SPECC1L: variants seen among roughly 807,000 people sequenced by gnomAD.
SPECC1L encodes the protein cytospin-A.
Under a neutral mutation model 116.8 loss-of-function variants are expected in SPECC1L, and 40 were observed. The observed-to-expected ratio is 0.34, with a 90% CI of 0.27 to 0.45. SPECC1L has a LOEUF of 0.45. Ranked by LOEUF, SPECC1L falls within the 20% of genes least tolerant of loss-of-function variation. The pLI is 1.00. For synonymous variants in SPECC1L, 504 were observed against 500.6 expected, an observed-to-expected ratio of 1.01 and a Z score of -0.09; for missense variants, 1,110 against 1,373.6, an observed-to-expected ratio of 0.81 and a Z score of 3.03.
intron 11 of SPECC1L, among the ~76,000 whole-genome samples, chr22:24,354,813 C>T (rs1601598616): frequency 6.6e-6 from 1 of 152,016 alleles, no homozygotes; most frequent in East Asian, 2.0e-4. Flanking sequence ...AGGTGCATGC[C>T]ACCACACCTG....
intron 5 of SPECC1L, among the ~76,000 whole-genome samples, chr22:24,323,637 T>C (rs2298378): frequency 0.23 from 35,568 of 152,196 alleles, 4,353 homozygotes; most frequent in Admixed American, 0.3. Flanking sequence ...TTATTTGTTA[T>C]TTTAGTGCAA....
At chr22:24,289,490 TAGAA>T (rs10610555) in intron 2 of SPECC1L, among the ~76,000 whole-genome samples, 5,541 of 152,168 alleles carry the variant, frequency 0.036, 300 homozygotes, top group South Asian at 0.11. Context: ...TTTTAAAAAG[TAGAA>T]AGAAGGAGAA....
intron 8 of SPECC1L, among the ~76,000 whole-genome samples, chr22:24,331,396 T>C (rs1478749606): frequency 6.6e-6 from 1 of 152,374 alleles, no homozygotes; most frequent in East Asian, 1.9e-4. Flanking sequence ...GACAGATTAT[T>C]GTTTCTCTAC....
At chr22:24,302,924 G>A (rs2049410149) in intron 3 of SPECC1L, among the ~76,000 whole-genome samples, 1 of 151,988 alleles carries the variant, frequency 6.6e-6, no homozygotes, top group South Asian at 2.1e-4. Context: ...TCTGGCAGCT[G>A]GTCCACGATG....
At chr22:24,291,748 A>G (rs1047875239) in intron 2 of SPECC1L, among the ~76,000 whole-genome samples, 11 of 152,186 alleles carry the variant, frequency 7.2e-5, no homozygotes, top group Admixed American at 1.3e-4. Context: ...AGGAAGGTAC[A>G]TAGTATTACC....
intron 6 of SPECC1L, among the ~76,000 whole-genome samples, chr22:24,327,529 C>G (rs540684419): frequency 6.6e-6 from 1 of 151,994 alleles, no homozygotes; most frequent in Non-Finnish European, 1.5e-5. Flanking sequence ...TTCACTATGC[C>G]TGAATTCCTG....
chr22:24,304,884 T>C (rs756089781), intron 3 of SPECC1L, among the ~76,000 whole-genome samples: 3 of 152,210 alleles, frequency 2.0e-5, no homozygotes, highest in Admixed American at 6.5e-5. Context: ...TAGAGAAGTA[T>C]ACGTACCTGG....
At chr22:24,284,304 A>G (rs2049000566) in intron 2 of SPECC1L, among the ~76,000 whole-genome samples, 1 of 152,220 alleles carries the variant, frequency 6.6e-6, no homozygotes, top group Non-Finnish European at 1.5e-5. Context: ...TTCAAAACAC[A>G]TTCTGATTTC....
At chr22:24,371,476 G>A (rs938721462) in intron 14 of SPECC1L, among the ~76,000 whole-genome samples, 1 of 152,152 alleles carries the variant, frequency 6.6e-6, no homozygotes, top group African/African-American at 2.4e-5. Flanking sequence ...TAAATAAAAA[G>A]ATGGAAAGCA....
At chr22:24,369,119 A>G (rs1332476163) in intron 13 of SPECC1L, 99 bp from the exon 14 acceptor site, 1 of 818,936 alleles carries the variant, frequency 1.2e-6, no homozygotes, top group African/African-American at 1.7e-5. Flanking sequence ...TTGCCTTACC[A>G]TGTATATTTC....
At chr22:24,410,143 G>A (rs2042666493) in intron 14 of SPECC1L, among the ~76,000 whole-genome samples, 1 of 152,254 alleles carries the variant, frequency 6.6e-6, no homozygotes, top group Non-Finnish European at 1.5e-5. Context: ...TTACAGAGGT[G>A]TTTTGGTTTG....
chr22:24,391,653 A>G (rs1706680626), intron 14 of SPECC1L, among the ~76,000 whole-genome samples: 1 of 152,158 alleles, frequency 6.6e-6, no homozygotes, highest in Admixed American at 6.5e-5. Context: ...GAGAATTAGG[A>G]ATGGTGCCCT....
chr22:24,318,083 G>A (rs953977304), intron 4 of SPECC1L, among the ~76,000 whole-genome samples: 5 of 149,188 alleles, frequency 3.4e-5, no homozygotes, highest in African/African-American at 5.0e-5. Flanking sequence ...GACGATGGGC[G>A]GCCAGGCAGA....
chr22:24,273,309 G>T (rs1390279420), intron 1 of SPECC1L, among the ~76,000 whole-genome samples: 3 of 152,122 alleles, frequency 2.0e-5, no homozygotes, highest in African/African-American at 7.2e-5. Context: ...AAACTGCTCA[G>T]CTCAGTAAGG....
chr22:24,361,929 AAT>A (rs775884625), intron 11 of SPECC1L, among the ~76,000 whole-genome samples: 5 of 152,198 alleles, frequency 3.3e-5, no homozygotes, highest in Non-Finnish European at 7.4e-5. Context: ...TGGAGTGCAG[AAT>A]ATATGTTATC....
chr22:24,323,241 C>T (rs969720904), intron 5 of SPECC1L: 6 of 300,572 alleles, frequency 2.0e-5, no homozygotes, highest in African/African-American at 6.7e-5. Context: ...TACCTCCCCC[C>T]GCCTCATCTC....
At chr22:24,311,465 G>A (rs1488726847) in intron 3 of SPECC1L, among the ~76,000 whole-genome samples, 2 of 152,054 alleles carry the variant, frequency 1.3e-5, no homozygotes, top group East Asian at 3.9e-4. Flanking sequence ...GTGTGACTTC[G>A]GCATCATAGT....
chr22:24,365,519 A>T lies in SPECC1L; in HGVS notation c.2871A>T (p.Ala957=), dbSNP rs2146632296. The change falls in exon 13 of 17, where the codon GCA becomes GCT. Residue 957 remains alanine, a synonymous_variant. Transcript: ENST00000314328. ...AAGAAGTGAAACGGGACATTTCTGC[A>T]CAGGAGGGAGCGTCGCCAGCCTCTC... The part of the protein sequence containing the change: ...SSEEVKRDIS[A]QEGASPASLM... The T allele has an allele frequency of 6.2e-7, 1 of 1,614,154 alleles. No individual in the cohort carries two copies. The highest frequency in any genetic ancestry group is 2.2e-5 in the East Asian group (1 of 44,876).
Position 24,324,437 on chromosome 22 carries a change from A to G in SPECC1L, c.2146+10A>G. ...ATTTCTGATCTAGAGAGTAAGTGAT[A>G]AGAACTTTTCATTCTTTTTTGTCCT... On this transcript the variant is annotated intron_variant, in intron 6 of 16. Transcript: ENST00000314328. 1 of 1,608,292 alleles carries G rather than the reference A, an allele frequency of 6.2e-7. No individual in the cohort carries two copies. Among genetic ancestry groups the G allele is most frequent in the Non-Finnish European group, 8.5e-7 (1 of 1,174,814 alleles).
Sources: gnomAD v4.1 joint callset for allele counts (sites outside exome capture counted in the v4.1 genomes callset) on GRCh38, gnomAD v4.1.1 for gene constraint, MANE v1.5 for transcripts, NCBI Gene and HGNC (gene_info 2026-07-23, HGNC 2026-07-21) for gene names.